FCHSD2: variants seen among roughly 807,000 people sequenced by gnomAD.
The protein encoded by FCHSD2 is F-BAR and double SH3 domains protein 2.
FCHSD2 carries 38 observed loss-of-function variants against 108.1 expected under a neutral mutation model. The ratio of observed to expected loss-of-function variants is 0.35; its 90% CI spans 0.27 to 0.46. The LOEUF is 0.46. FCHSD2 is among the 20% of genes least tolerant of loss of function. The probability of loss-of-function intolerance (pLI) is 1.00; values close to 1 mark genes in which losing one functional copy is unlikely to be tolerated. For missense variants in FCHSD2, 751 were observed against 897.8 expected (o/e 0.84, Z 2.09); for synonymous variants, 279 against 314.7 (o/e 0.89, Z 1.20).
In FCHSD2 at chr11:73,139,650, AC is replaced by A. The variant is rs551997748; in HGVS notation, c.119+380del. 1.9e-3 allele frequency among the ~76,000 whole-genome samples: 295 copies of A among 152,342 alleles called. 3 individuals carry two copies. Among genetic ancestry groups the A allele is most frequent in the Non-Finnish European group, 2.3e-3 (157 of 68,040 alleles). On this transcript the variant is annotated intron_variant, in intron 2 of 19. Transcript: ENST00000409418. ...ATAACCATCTGGGGTTGACTGGCTC[AC>A]CCCCAGATATTAACCATTAACCACA... is the stretch of plus-strand genomic sequence containing the variant.
intron 3 of FCHSD2, among the ~76,000 whole-genome samples, chr11:73,075,305 AAAT>A (rs1458976983): frequency 6.6e-6 from 1 of 152,210 alleles, no homozygotes; most frequent in African/African-American, 2.4e-5. Context: ...TTCCTTAGGT[AAAT>A]ACCCAATAGA....
At position 72,850,070 on chromosome 11, in the gene FCHSD2, T is replaced by A. The variant is rs1300966828; in HGVS notation, c.1309-181A>T. Among the ~76,000 whole-genome samples the A allele has an allele frequency of 5.4e-5, 8 of 148,864 alleles. No individual in the cohort carries two copies. The South Asian group carries it at 1.7e-3, about 32-fold the overall frequency. On this transcript the variant is annotated intron_variant, in intron 13 of 19. Transcript: ENST00000409418. Reference sequence around the variant, plus strand: ...TGAAAGAATAGAGTTTTTTTTTTTTTTTTTTTTTTTGAGATGGAATTTCGC... The same window carrying A: ...TGAAAGAATAGAGTTTTTTTTTTTTATTTTTTTTTTGAGATGGAATTTCGC...
chr11:72,929,235 C>T (rs1246363073), intron 8 of FCHSD2, among the ~76,000 whole-genome samples: 2 of 152,130 alleles, frequency 1.3e-5, no homozygotes, highest in East Asian at 3.8e-4. Flanking sequence ...TGGGTATATA[C>T]CCAGTAATGG....
chr11:72,933,017 A>G (rs974312095), intron 8 of FCHSD2, among the ~76,000 whole-genome samples: 11 of 152,220 alleles, frequency 7.2e-5, no homozygotes, highest in African/African-American at 2.7e-4. Context: ...GTAATTTTCA[A>G]ATATTTTCAG....
chr11:73,035,932 G>C (rs568882636), intron 3 of FCHSD2, among the ~76,000 whole-genome samples: 85 of 152,090 alleles, frequency 5.6e-4, no homozygotes, highest in Non-Finnish European at 1.1e-3. Context: ...TGTTGGCCAA[G>C]ATGGTCTCAA....
At chr11:73,081,826 T>C (rs529520714) in intron 3 of FCHSD2, among the ~76,000 whole-genome samples, 3 of 152,316 alleles carry the variant, frequency 2.0e-5, no homozygotes, top group Admixed American at 1.3e-4. Context: ...AGATAACATA[T>C]ATAAAATACT....
At chr11:72,945,254 AAC>A (rs1856497095) in intron 8 of FCHSD2, among the ~76,000 whole-genome samples, 1 of 152,218 alleles carries the variant, frequency 6.6e-6, no homozygotes, top group East Asian at 1.9e-4. Context: ...GCATATCTAC[AAC>A]TATCTGATCT....
intron 8 of FCHSD2, among the ~76,000 whole-genome samples, chr11:72,948,084 T>A (rs7101418): frequency 1.3e-5 from 2 of 152,210 alleles, no homozygotes; most frequent in Non-Finnish European, 2.9e-5. Context: ...CTCGGCTCAC[T>A]GCAACCTCCA....
chr11:73,112,489 T>C (rs969805691), intron 2 of FCHSD2, among the ~76,000 whole-genome samples: 2 of 152,206 alleles, frequency 1.3e-5, no homozygotes, highest in Admixed American at 1.3e-4. Flanking sequence ...CTGAATCTGC[T>C]TGGTGTTCTA....
At chr11:72,995,545 A>G (rs1857504029) in intron 5 of FCHSD2, among the ~76,000 whole-genome samples, 1 of 151,906 alleles carries the variant, frequency 6.6e-6, no homozygotes, top group South Asian at 2.1e-4. Context: ...CTAAAAAAAA[A>G]GTACAAAAAT....
intron 8 of FCHSD2, among the ~76,000 whole-genome samples, chr11:72,965,441 A>G (rs1044965131): frequency 1.3e-5 from 2 of 152,240 alleles, no homozygotes; most frequent in Admixed American, 1.3e-4. Flanking sequence ...GTGAGACAAA[A>G]TAAGTCTTAA....
At chr11:73,140,490 C>G (rs573219212) in intron 1 of FCHSD2, among the ~76,000 whole-genome samples, 1 of 152,276 alleles carries the variant, frequency 6.6e-6, no homozygotes, top group South Asian at 2.1e-4. Context: ...CATTAACCAC[C>G]AGGAGAGGTG....
At chr11:73,048,979 T>C (rs990226765) in intron 3 of FCHSD2, among the ~76,000 whole-genome samples, 3 of 152,162 alleles carry the variant, frequency 2.0e-5, no homozygotes, top group African/African-American at 7.2e-5. Flanking sequence ...CAGTAAATAT[T>C]TAAATAACAG....
chr11:73,036,681 T>C (rs1247977578), intron 3 of FCHSD2, among the ~76,000 whole-genome samples: 1 of 152,184 alleles, frequency 6.6e-6, no homozygotes, highest in African/African-American at 2.4e-5. Context: ...CAATGAGTAA[T>C]AGGTAATTTT....
At chr11:73,126,041 C>T (rs1010277317) in intron 2 of FCHSD2, among the ~76,000 whole-genome samples, 38 of 151,800 alleles carry the variant, frequency 2.5e-4, no homozygotes, top group Non-Finnish European at 1.2e-4. Context: ...TTGCTTGTTT[C>T]AAGACAAAAG....
intron 2 of FCHSD2, among the ~76,000 whole-genome samples, chr11:73,092,174 C>G (rs546690774): frequency 1.4e-3 from 209 of 152,302 alleles, no homozygotes; most frequent in Non-Finnish European, 2.5e-3. Context: ...ATCACTAAGG[C>G]TGGAGTACAT....
At chr11:73,118,515 A>C (rs962970907) in intron 2 of FCHSD2, among the ~76,000 whole-genome samples, 1 of 152,186 alleles carries the variant, frequency 6.6e-6, no homozygotes, top group African/African-American at 2.4e-5. Flanking sequence ...TACAGTATAT[A>C]TTCTTGTATC....
intron 3 of FCHSD2, among the ~76,000 whole-genome samples, chr11:73,062,861 A>T (rs534946475): frequency 4.1e-4 from 63 of 152,338 alleles, no homozygotes; most frequent in Non-Finnish European, 4.7e-4. Context: ...TGGAAAACAC[A>T]CTTCAGCGTA....
chr11:72,962,601 C>CTTTTTTTTT (rs10688506), intron 8 of FCHSD2, among the ~76,000 whole-genome samples: 1 of 147,880 alleles, frequency 6.8e-6, no homozygotes. Flanking sequence ...TAAATTCCCC[C>CTTTTTTTTT]TTTTTTTTTT....
Sources: allele counts gnomAD v4.1 joint callset (sites outside exome capture counted in the v4.1 genomes callset), GRCh38; gene constraint gnomAD v4.1.1; transcripts MANE v1.5; gene names NCBI Gene and HGNC (gene_info 2026-07-23, HGNC 2026-07-21).